The following MYO18B variants were observed in gnomAD, a reference collection of about 807,000 sequenced individuals.
MYO18B encodes the protein myosin XVIIIB.
In MYO18B, 204 loss-of-function variants were observed where a neutral mutation model predicts 273.0. The observed-to-expected ratio is 0.75, with a 90% CI of 0.67 to 0.84. The LOEUF is 0.84. Ranked by LOEUF, MYO18B falls within the 40% of genes least tolerant of loss-of-function variation. The pLI is 0.00. For synonymous variants in MYO18B, 1,330 were observed against 1,305.7 expected (o/e 1.02, Z -0.40); for missense variants, 3,212 against 3,287.6 (o/e 0.98, Z 0.56).
intron 29 of MYO18B, 77 bp downstream of exon 29, chr22:25,898,538 G>A (rs1399862170): frequency 6.6e-7 from 1 of 1,520,250 alleles, no homozygotes; most frequent in Non-Finnish European, 8.9e-7. Context: ...GGGTATCCAG[G>A]TTCTCCTAAC....
intron 39 of MYO18B, among the ~76,000 whole-genome samples, chr22:25,958,783 A>G (rs565847425): frequency 6.6e-6 from 1 of 152,248 alleles, no homozygotes; most frequent in South Asian, 2.1e-4. Flanking sequence ...AAGACAGATC[A>G]TCCCATCTGT....
the MYO18B span, among the ~76,000 whole-genome samples, chr22:26,061,559 G>A: frequency 6.6e-6 from 1 of 151,610 alleles, no homozygotes; most frequent in African/African-American, 2.4e-5. Flanking sequence ...ATATCTCTCT[G>A]CTGCTCACAG....
chr22:25,780,130 A>C lies in MYO18B; in HGVS notation c.2143A>C (p.Thr715Pro), dbSNP rs1469685220. The C allele has an allele frequency of 6.2e-7, 1 of 1,604,850 alleles. No homozygotes were observed. The highest frequency in any genetic ancestry group is 8.5e-7 in the Non-Finnish European group (1 of 1,176,716). The change falls in exon 9 of 44, where the codon ACC becomes CCC. Residue 715 changes from threonine (T) to proline (P), a missense_variant. Coordinates refer to ENST00000335473, the MANE Select transcript of MYO18B (RefSeq NM_032608.7). ...GTCCATGGCCCACAGCCGCAGTGCC[A>C]CCCGGTTCTCCATGGTGATGTCGCT... ...SVSMAHSRSATRFSMVMSLDF... is the reference protein window; with the variant it reads ...SVSMAHSRSAPRFSMVMSLDF...
Position 26,031,007 on chromosome 22 carries a change from T to A in MYO18B, c.*577T>A. On this transcript the variant is annotated 3_prime_UTR_variant, in exon 44 of 44. Coordinates refer to ENST00000335473, the MANE Select transcript of MYO18B (RefSeq NM_032608.7). ...AACTGATGAATGATGAATGAATGAA[T>A]GAGCCAAAGAACAAATAAATGAGCC... is the stretch of plus-strand genomic sequence containing the variant. 2.5e-6 allele frequency: 1 copy of A among 398,504 alleles called. No individual in the cohort carries two copies. Among genetic ancestry groups the A allele is most frequent in the East Asian group, 3.6e-5 (1 of 28,066 alleles). The allele number at this position is 398,504 out of a possible 1,614,324, so 24.7% of individuals were successfully genotyped here.
chr22:25,950,536 G>GTGTGTGTGTGTGTGTGTGTGTGTT (rs2092780290), intron 37 of MYO18B, 86 bp downstream of exon 37: 3 of 700,424 alleles, frequency 4.3e-6, no homozygotes, highest in Admixed American at 2.9e-5. Flanking sequence ...GTGTGTGTGT[G>GTGTGTGTGTGTGTGTGTGTGTGTT]TGTGTGTGTG....
At chr22:25,943,510 A>G (rs2092668839) in intron 34 of MYO18B, among the ~76,000 whole-genome samples, 1 of 152,076 alleles carries the variant, frequency 6.6e-6, no homozygotes, top group Non-Finnish European at 1.5e-5. Context: ...CAAGCCTCAG[A>G]GATGTGACCC....
chr22:25,860,131 A>C (rs1246926124), intron 21 of MYO18B, among the ~76,000 whole-genome samples: 3 of 152,226 alleles, frequency 2.0e-5, no homozygotes, highest in African/African-American at 7.2e-5. Flanking sequence ...ACCTTTGTCA[A>C]ACATTTATTG....
intron 34 of MYO18B, among the ~76,000 whole-genome samples, chr22:25,937,144 C>T (rs904634795): frequency 2.0e-5 from 3 of 151,656 alleles, no homozygotes; most frequent in Non-Finnish European, 4.4e-5. Context: ...CAGTGAGTGG[C>T]GTGATCTTGG....
At position 25,811,613 on chromosome 22, in the gene MYO18B, A is replaced by T. The variant is rs541705918; in HGVS notation, c.2522-11892A>T. Among the ~76,000 whole-genome samples, 13 of 152,248 alleles carry T rather than the reference A, an allele frequency of 8.5e-5. No individual in the cohort carries two copies. In the East Asian group the frequency reaches 2.5e-3, roughly 29 times the overall value. On this transcript the variant is annotated intron_variant, in intron 12 of 43. Coordinates refer to ENST00000335473, the MANE Select transcript of MYO18B (RefSeq NM_032608.7). ...AGTGGGTTCACACCACCTTTGTTCT[A>T]TGCCCTTTGCTTTTTTCACATGTCA...
At chr22:25,919,475 C>A (rs1474067343) in intron 33 of MYO18B, among the ~76,000 whole-genome samples, 1 of 152,110 alleles carries the variant, frequency 6.6e-6, no homozygotes, top group Non-Finnish European at 1.5e-5. Context: ...TGACTAAATG[C>A]ATCAATAGCT....
intron 1 of MYO18B, among the ~76,000 whole-genome samples, chr22:25,745,878 G>A (rs973877193): frequency 1.2e-4 from 18 of 152,162 alleles, no homozygotes; most frequent in African/African-American, 4.1e-4. Flanking sequence ...TAACTGTTGC[G>A]TTGAGGTAGA....
rs77381852 is a variant in MYO18B, at chr22:25,763,588, C to T, written c.198+199C>T. Among the ~76,000 whole-genome samples, 1,241 of 152,316 alleles carry T rather than the reference C, an allele frequency of 8.1e-3. 17 individuals carry two copies. Among genetic ancestry groups the T allele is most frequent in the African/African-American group, 0.028 (1,153 of 41,550 alleles). On this transcript the variant is annotated intron_variant, in intron 3 of 43. Coordinates refer to ENST00000335473, the MANE Select transcript of MYO18B (RefSeq NM_032608.7). ...TCAAACAGCACATCTCTGGAAAGTT[C>T]TTCCATTGCCTGCCTTCCTCTGAAT...
intron 39 of MYO18B, among the ~76,000 whole-genome samples, chr22:25,967,670 T>C (rs1338994671): frequency 6.6e-6 from 1 of 152,152 alleles, no homozygotes; most frequent in South Asian, 2.1e-4. Context: ...TATGGCTCTT[T>C]TAGTTGCAAG....
chr22:25,822,214 C>G (rs1040121721), intron 12 of MYO18B, among the ~76,000 whole-genome samples: 1 of 152,216 alleles, frequency 6.6e-6, no homozygotes, highest in African/African-American at 2.4e-5. Context: ...GGCCTTTGCA[C>G]TGCCTCCTTC....
chr22:25,752,874 G>T (rs528795525), intron 1 of MYO18B, among the ~76,000 whole-genome samples: 41 of 152,296 alleles, frequency 2.7e-4, no homozygotes, highest in African/African-American at 9.1e-4. Context: ...AGTTCCGGGT[G>T]GTCGGAGGCT....
Position 25,847,402 on chromosome 22 carries a change from GGCCCTGAC to G in MYO18B, c.3553-27_3553-20del. Reference sequence around the variant, plus strand: ...CTTTCTGTGTCTCTGTGAGACAACTGGCCCTGACCTCCCTCTATTTGGTCTAGGATGCG... The same window carrying G: ...CTTTCTGTGTCTCTGTGAGACAACTGCTCCCTCTATTTGGTCTAGGATGCG... On this transcript the variant is annotated intron_variant, in intron 19 of 43. Transcript: ENST00000335473. 6.5e-7 allele frequency: 1 copy of G among 1,539,478 alleles called. No individual in the cohort carries two copies. The highest frequency in any genetic ancestry group is 8.8e-7 in the Non-Finnish European group (1 of 1,135,646).
chr22:25,975,132 G>A (rs1391052172), intron 39 of MYO18B, among the ~76,000 whole-genome samples: 1 of 152,200 alleles, frequency 6.6e-6, no homozygotes, highest in Non-Finnish European at 1.5e-5. Context: ...GGCCCCAGCT[G>A]CGAAGTGAAT....
the MYO18B span, among the ~76,000 whole-genome samples, chr22:26,042,104 C>G: frequency 6.6e-6 from 1 of 152,212 alleles, no homozygotes; most frequent in African/African-American, 2.4e-5. Context: ...GATAGGCCCC[C>G]AGGCACCCAT....
the MYO18B span, among the ~76,000 whole-genome samples, chr22:26,056,793 T>G: frequency 5.9e-5 from 9 of 152,312 alleles, no homozygotes; most frequent in East Asian, 1.7e-3. Flanking sequence ...TTTGGTGACA[T>G]GCACATTCAA....
Sources: gnomAD v4.1 joint callset for allele counts (sites outside exome capture counted in the v4.1 genomes callset) on GRCh38, gnomAD v4.1.1 for gene constraint, MANE v1.5 for transcripts, NCBI Gene and HGNC (gene_info 2026-07-23, HGNC 2026-07-21) for gene names.